The following CCDC66 variants were observed in gnomAD, a reference collection of about 807,000 sequenced individuals.
CCDC66 encodes the protein coiled-coil domain-containing protein 66.
CCDC66 carries 133 observed loss-of-function variants against 128.3 expected under a neutral mutation model. That is an observed-to-expected ratio of 1.04 (90% CI 0.90 to 1.20). CCDC66 has a LOEUF of 1.20. Ranked by LOEUF, CCDC66 falls within the 50% of genes most tolerant of loss-of-function variation. The pLI, the probability that CCDC66 is intolerant of heterozygous loss-of-function variation, is 0.00. For synonymous variants in CCDC66, 387 were observed against 357.0 expected (o/e 1.08, Z -0.95); for missense variants, 1,126 against 1,075.5 (o/e 1.05, Z -0.66).
intron 6 of CCDC66, among the ~76,000 whole-genome samples, chr3:56,567,785 C>T (rs1034722971): frequency 2.0e-5 from 3 of 151,222 alleles, no homozygotes; most frequent in Non-Finnish European, 3.0e-5. Flanking sequence ...CTCCACCTCC[C>T]GGGTTCACGC....
chr3:56,579,722 A>G (rs1186495322), intron 7 of CCDC66, among the ~76,000 whole-genome samples: 2 of 151,830 alleles, frequency 1.3e-5, no homozygotes, highest in Non-Finnish European at 2.9e-5. Flanking sequence ...AGTGGTTTTG[A>G]GTGAATTTCT....
At chr3:56,588,127 A>G (rs1209739103) in intron 7 of CCDC66, among the ~76,000 whole-genome samples, 1 of 152,250 alleles carries the variant, frequency 6.6e-6, no homozygotes, top group African/African-American at 2.4e-5. Context: ...CAGCCATAAA[A>G]AGGAATGAAT....
Position 56,615,115 on chromosome 3 carries a change from T to A in CCDC66, c.1567-13T>A. 1 of 1,611,988 alleles carries A rather than the reference T, an allele frequency of 6.2e-7. No homozygotes were observed. Among genetic ancestry groups the A allele is most frequent in the Non-Finnish European group, 8.5e-7 (1 of 1,179,198 alleles). On this transcript the variant is annotated splice_polypyrimidine_tract_variant and intron_variant, in intron 11 of 17. Transcript: ENST00000394672. ...TTTAATAGATGAATTTAGTAACACA[T>A]CAATATTGACAGGAAATCATGACTC...
intron 6 of CCDC66, among the ~76,000 whole-genome samples, chr3:56,568,923 C>G (rs115900282): frequency 6.6e-6 from 1 of 152,194 alleles, no homozygotes; most frequent in Non-Finnish European, 1.5e-5. Context: ...AAACATGTGA[C>G]GTAACAGTTG....
In CCDC66 at chr3:56,564,079, A is replaced by G. The variant is rs1254926998; in HGVS notation, c.498A>G (p.Gln166=). ...AACAGATTTTGATGACTGTAAACCA[A>G]GGAAATAGATCTCTTTCCCTGACTG... ...QLQQILMTVN[Q]GNRSLSLTEN... The change falls in exon 4 of 18, where the codon CAA becomes CAG. Residue 166 remains glutamine (Q), a synonymous_variant. Coordinates refer to ENST00000394672, the MANE Select transcript of CCDC66 (RefSeq NM_001141947.3). 3 of 1,611,874 alleles carry G rather than the reference A, an allele frequency of 1.9e-6. No homozygotes were observed. Among genetic ancestry groups the G allele is most frequent in the Non-Finnish European group, 1.7e-6 (2 of 1,179,008 alleles).
chr3:56,563,696 G>C lies in CCDC66; in HGVS notation c.115G>C (p.Ala39Pro). ...GGTGTTTTAACAGATGGGAAATAAG[G>C]CCAAGATTGCAAAATGTCCTTTAAG... is the stretch of plus-strand genomic sequence containing the variant. ...SKISVKMGNKAKIAKCPLRTK... is the reference protein window; with the variant it reads ...SKISVKMGNKPKIAKCPLRTK... The change falls in exon 4 of 18, where the codon GCC (alanine) becomes CCC (proline). Residue 39 changes from alanine to proline, a missense_variant. Physicochemically the swap from Ala to Pro is conservative, Grantham distance 27. Coordinates refer to ENST00000394672, the MANE Select transcript of CCDC66 (RefSeq NM_001141947.3). 1.3e-6 allele frequency: 2 copies of C among 1,548,982 alleles called. No individual in the cohort carries two copies. Among genetic ancestry groups the C allele is most frequent in the East Asian group, 4.9e-5 (2 of 40,836 alleles).
chr3:56,574,977 A>G (rs187465968), intron 7 of CCDC66, among the ~76,000 whole-genome samples: 26 of 151,950 alleles, frequency 1.7e-4, no homozygotes, highest in African/African-American at 5.8e-4. Flanking sequence ...CCTTTTGGCT[A>G]TTGGGAATAA....
chr3:56,601,112 C>G lies in CCDC66; in HGVS notation c.1404+7084C>G, dbSNP rs571559099. ...AGGGTTTTTATGGTTTTAGGTCTTA[C>G]GTTTAAGTCTTTATTCCATCTTGAG... is the stretch of plus-strand genomic sequence containing the variant. On this transcript the variant is annotated intron_variant, in intron 10 of 17. Coordinates refer to ENST00000394672, the MANE Select transcript of CCDC66 (RefSeq NM_001141947.3). 1.7e-3 allele frequency among the ~76,000 whole-genome samples: 264 copies of G among 152,116 alleles called. 7 individuals carry two copies. Among genetic ancestry groups the G allele is most frequent in the African/African-American group, 5.6e-3 (233 of 41,432 alleles).
intron 15 of CCDC66, 25 bp from the exon 16 acceptor site, chr3:56,619,246 T>C (rs1446852032): frequency 2.6e-6 from 4 of 1,512,258 alleles, no homozygotes; most frequent in Non-Finnish European, 3.6e-6. Context: ...AATACACAAT[T>C]TTTTACTATT....
intron 3 of CCDC66, among the ~76,000 whole-genome samples, chr3:56,563,080 G>T (rs1293288615): frequency 6.6e-6 from 1 of 152,002 alleles, no homozygotes; most frequent in African/African-American, 2.4e-5. Flanking sequence ...ATAAAAAATG[G>T]CTGGGCTTGG....
chr3:56,616,051 C>G lies in CCDC66; in HGVS notation c.1841C>G (p.Thr614Arg). The part of the protein sequence containing the change: ...TTSKKDTGVQ[T>R]DDLNIGIFTN... ...TCTAAGAAGGATACTGGTGTGCAAA[C>G]AGGTATTTGTGTGGAAATTGTGGTT... Residue 614 changes from threonine (T) to arginine (R), a missense_variant and splice_region_variant, in exon 13 of 18, where the codon ACA (threonine) becomes AGA (arginine). Coordinates refer to ENST00000394672, the MANE Select transcript of CCDC66 (RefSeq NM_001141947.3). The G allele has an allele frequency of 6.3e-7, 1 of 1,580,842 alleles. No homozygotes were observed. The highest frequency in any genetic ancestry group is 8.6e-7 in the Non-Finnish European group (1 of 1,166,832).
chr3:56,618,188 A>G lies in CCDC66; in HGVS notation c.2354A>G (p.Asn785Ser), dbSNP rs1297099180. The G allele has an allele frequency of 2.5e-6, 4 of 1,612,960 alleles. No individual in the cohort carries two copies. The highest frequency in any genetic ancestry group is 3.4e-6 in the Non-Finnish European group (4 of 1,178,964). The change falls in exon 15 of 18, where the codon AAT becomes AGT. Residue 785 changes from asparagine (N) to serine (S), a missense_variant. Coordinates refer to ENST00000394672, the MANE Select transcript of CCDC66 (RefSeq NM_001141947.3). ...HLVKKEEEPL[N>S]IHSFSKERSP... is the part of the protein sequence containing the mutation. ...ATATTTTAGGAAGAAGAGCCTCTGA[A>G]TATTCATTCATTCAGCAAGGAAAGG... is the stretch of plus-strand genomic sequence containing the variant.
chr3:56,603,011 T>C (rs1400493943), intron 10 of CCDC66, among the ~76,000 whole-genome samples: 6 of 151,462 alleles, frequency 4.0e-5, no homozygotes, highest in African/African-American at 1.5e-4. Flanking sequence ...ATTTTTTGTA[T>C]TTTTTAGTAG....
chr3:56,590,966 A>T (rs975251306), intron 7 of CCDC66, among the ~76,000 whole-genome samples: 7 of 152,174 alleles, frequency 4.6e-5, no homozygotes, highest in African/African-American at 1.7e-4. Context: ...GTCTTGTGTT[A>T]TACACAAATA....
chr3:56,576,489 G>T (rs1439534271), intron 7 of CCDC66, among the ~76,000 whole-genome samples: 2 of 150,746 alleles, frequency 1.3e-5, no homozygotes, highest in Non-Finnish European at 2.9e-5. Flanking sequence ...CATGTGTCAT[G>T]TTGGTGTGCT....
At chr3:56,575,293 T>A (rs1369251638) in intron 7 of CCDC66, among the ~76,000 whole-genome samples, 1 of 151,846 alleles carries the variant, frequency 6.6e-6, no homozygotes, top group Non-Finnish European at 1.5e-5. Context: ...ATCCCAATGG[T>A]TGTGAAATGG....
chr3:56,584,181 G>A (rs1203035492), intron 7 of CCDC66, among the ~76,000 whole-genome samples: 92 of 140,836 alleles, frequency 6.5e-4, no homozygotes, highest in African/African-American at 2.4e-3. Flanking sequence ...CGGGCGGGGC[G>A]GCTGCCGGGC....
Position 56,563,882 on chromosome 3 carries a change from G to A in CCDC66, c.301G>A (p.Asp101Asn). The A allele has an allele frequency of 6.2e-7, 1 of 1,608,586 alleles. No individual in the cohort carries two copies. The highest frequency in any genetic ancestry group is 8.5e-7 in the Non-Finnish European group (1 of 1,176,608). ...TAAGGATTTATGTAAACAATGTATA[G>A]ATAAAGACTGTCTTCATATCCAGAA... ...STKDLCKQCI[D>N]KDCLHIQKEI... The change falls in exon 4 of 18, where the codon GAT becomes AAT. Residue 101 changes from aspartate (D) to asparagine (N), a missense_variant. Transcript: ENST00000394672.
intron 3 of CCDC66, among the ~76,000 whole-genome samples, chr3:56,560,321 C>T (rs2064927332): frequency 6.6e-6 from 1 of 152,174 alleles, no homozygotes; most frequent in Non-Finnish European, 1.5e-5. Context: ...TCTTCCTCCT[C>T]CAGCCTCCTG....
Sources: allele counts gnomAD v4.1 joint callset (sites outside exome capture counted in the v4.1 genomes callset), GRCh38; gene constraint gnomAD v4.1.1; transcripts MANE v1.5; gene names NCBI Gene and HGNC (gene_info 2026-07-23, HGNC 2026-07-21).